TMEFF2: variants seen among roughly 807,000 people sequenced by gnomAD.
The protein encoded by TMEFF2 is tomoregulin-2.
TMEFF2 carries 28 observed loss-of-function variants against 53.8 expected under a neutral mutation model. That is an observed-to-expected ratio of 0.52 (90% CI 0.39 to 0.71). The LOEUF (loss-of-function observed/expected upper bound fraction) is 0.71, where lower values mean the gene tolerates loss of function less well. TMEFF2 is among the 30% of genes least tolerant of loss of function. The pLI is 0.00. For missense variants in TMEFF2, 353 were observed against 455.2 expected, an observed-to-expected ratio of 0.78 and a Z score of 2.04; for synonymous variants, 162 against 166.3, an observed-to-expected ratio of 0.97 and a Z score of 0.20.
At chr2:192,142,494 A>T (rs908038117) in intron 4 of TMEFF2, among the ~76,000 whole-genome samples, 2 of 152,138 alleles carry the variant, frequency 1.3e-5, no homozygotes, top group Non-Finnish European at 2.9e-5. Context: ...CGATGGGAGT[A>T]GCAATTAGCC....
intron 4 of TMEFF2, among the ~76,000 whole-genome samples, chr2:192,125,427 C>A (rs1689653853): frequency 1.3e-5 from 2 of 151,898 alleles, no homozygotes; most frequent in South Asian, 2.1e-4. Flanking sequence ...GTATTATAAG[C>A]AATAATATTG....
chr2:192,133,002 A>G (rs578220526), intron 4 of TMEFF2, among the ~76,000 whole-genome samples: 2 of 151,664 alleles, frequency 1.3e-5, no homozygotes, highest in South Asian at 4.2e-4. Flanking sequence ...GAGGCTACCC[A>G]CTCCACATTA....
intron 4 of TMEFF2, among the ~76,000 whole-genome samples, chr2:192,097,831 AAAG>A (rs1487446874): frequency 6.6e-6 from 1 of 152,188 alleles, no homozygotes; most frequent in African/African-American, 2.4e-5. Flanking sequence ...TAAATGAATT[AAAG>A]AAGGTGCGCA....
At chr2:191,988,954 C>T (rs1686042194) in intron 7 of TMEFF2, among the ~76,000 whole-genome samples, 1 of 152,074 alleles carries the variant, frequency 6.6e-6, no homozygotes, top group Non-Finnish European at 1.5e-5. Flanking sequence ...AACAACGTCA[C>T]CATAAAAAGC....
At chr2:191,958,546 C>T (rs574367574) in intron 7 of TMEFF2, among the ~76,000 whole-genome samples, 52 of 152,230 alleles carry the variant, frequency 3.4e-4, no homozygotes, top group Non-Finnish European at 1.5e-4. Flanking sequence ...TTTCTGGATT[C>T]GTGCCATATT....
At chr2:192,066,210 G>A (rs1688166426) in intron 4 of TMEFF2, among the ~76,000 whole-genome samples, 1 of 151,648 alleles carries the variant, frequency 6.6e-6, no homozygotes, top group Non-Finnish European at 1.5e-5. Flanking sequence ...ATTTTGGTTT[G>A]TTATCTATAA....
At chr2:191,970,122 G>A (rs1464352949) in intron 7 of TMEFF2, among the ~76,000 whole-genome samples, 1 of 152,092 alleles carries the variant, frequency 6.6e-6, no homozygotes, top group Admixed American at 6.5e-5. Context: ...TTTAAGATGT[G>A]AAGATCCATG....
intron 4 of TMEFF2, among the ~76,000 whole-genome samples, chr2:192,128,126 G>GTGA (rs1334494915): frequency 1.4e-5 from 2 of 138,632 alleles, no homozygotes; most frequent in Non-Finnish European, 3.1e-5. Context: ...ATTAAACTTA[G>GTGA]GTCCAAATAA....
intron 8 of TMEFF2, 135 bp downstream of exon 8, chr2:191,956,120 A>G: frequency 2.3e-6 from 2 of 868,786 alleles, no homozygotes; most frequent in East Asian, 2.7e-5. Context: ...ATGCATGCAC[A>G]GGAGGAGCAG....
intron 4 of TMEFF2, among the ~76,000 whole-genome samples, chr2:192,155,715 G>C (rs940642494): frequency 1.3e-5 from 2 of 151,938 alleles, no homozygotes; most frequent in African/African-American, 2.4e-5. Flanking sequence ...GCAACAGCTG[G>C]ATCAATACAG....
intron 4 of TMEFF2, among the ~76,000 whole-genome samples, chr2:192,131,430 G>A (rs191259131): frequency 3.4e-3 from 522 of 152,084 alleles, no homozygotes; most frequent in African/African-American, 0.012. Context: ...GGAAGGGCAA[G>A]TACCCCTCAA....
intron 7 of TMEFF2, among the ~76,000 whole-genome samples, chr2:191,957,569 T>C (rs1437223060): frequency 6.6e-6 from 1 of 152,208 alleles, no homozygotes; most frequent in African/African-American, 2.4e-5. Flanking sequence ...AAATCTATTA[T>C]TTATGATTAA....
At chr2:191,988,306 C>G (rs948051194) in intron 7 of TMEFF2, among the ~76,000 whole-genome samples, 4 of 152,134 alleles carry the variant, frequency 2.6e-5, no homozygotes, top group Non-Finnish European at 5.9e-5. Context: ...AAATCAATAA[C>G]AAAGGCCTAT....
intron 4 of TMEFF2, among the ~76,000 whole-genome samples, chr2:192,079,638 A>T (rs568920482): frequency 1.3e-5 from 2 of 152,332 alleles, no homozygotes; most frequent in South Asian, 4.1e-4. Context: ...TGTACAAATA[A>T]AGATTAAAAT....
At chr2:192,168,248 T>TG (rs1690818508) in intron 4 of TMEFF2, among the ~76,000 whole-genome samples, 2 of 152,148 alleles carry the variant, frequency 1.3e-5, no homozygotes, top group South Asian at 4.1e-4. Context: ...TATGCTTTGA[T>TG]GGTTAAAGTA....
intron 5 of TMEFF2, among the ~76,000 whole-genome samples, chr2:192,027,673 C>G (rs1687005620): frequency 6.6e-6 from 1 of 152,190 alleles, no homozygotes; most frequent in Non-Finnish European, 1.5e-5. Context: ...GCTTTACAGG[C>G]ATGTGGCCAG....
chr2:192,011,931 G>C (rs1686636752), intron 5 of TMEFF2, among the ~76,000 whole-genome samples: 1 of 151,784 alleles, frequency 6.6e-6, no homozygotes, highest in Non-Finnish European at 1.5e-5. Context: ...CTGTCATCCA[G>C]GCTGGAGTGC....
chr2:192,072,951 T>C, intron 4 of TMEFF2, among the ~76,000 whole-genome samples: 1 of 152,018 alleles, frequency 6.6e-6, no homozygotes, highest in East Asian at 1.9e-4. Context: ...CTAAATTCCA[T>C]GTCAGAAGCA....
Position 191,950,248 on chromosome 2 carries a change from C to CACCG in TMEFF2, c.*62_*63insCGGT. The stretch of plus-strand genomic sequence containing the variant: ...TAGATCTCTTGTCTTATTCTTTTGT[C>CACCG]TATAATACTGTATTGTGTAGTCCAA... On this transcript the variant is annotated 3_prime_UTR_variant, in exon 10 of 10. Coordinates refer to ENST00000272771, the MANE Select transcript of TMEFF2 (RefSeq NM_016192.4). 4 of 1,301,692 alleles carry CACCG rather than the reference C, an allele frequency of 3.1e-6. No homozygotes were observed. In the South Asian group the frequency reaches 6.6e-5, roughly 22 times the overall value. 80.6% of individuals were successfully genotyped at this position (1,301,692 alleles called of 1,614,324 possible).
Sources: gnomAD v4.1 joint callset for allele counts (sites outside exome capture counted in the v4.1 genomes callset) on GRCh38, gnomAD v4.1.1 for gene constraint, MANE v1.5 for transcripts, NCBI Gene and HGNC (gene_info 2026-07-23, HGNC 2026-07-21) for gene names.